The following CDH12 variants were observed in gnomAD, a reference collection of about 807,000 sequenced individuals.
CDH12 encodes cadherin-12.
CDH12 carries 41 observed loss-of-function variants against 74.1 expected under a neutral mutation model. The ratio of observed to expected loss-of-function variants is 0.55; its 90% CI spans 0.43 to 0.72. CDH12 has a LOEUF of 0.72. CDH12 is among the 30% of genes least tolerant of loss of function. The pLI, the probability that CDH12 is intolerant of heterozygous loss-of-function variation, is 0.00. For missense variants in CDH12, 945 were observed against 977.2 expected (o/e 0.97, Z 0.44); for synonymous variants, 399 against 355.0 (o/e 1.12, Z -1.39).
At chr5:22,348,934 T>C (rs1740238911) in intron 3 of CDH12, among the ~76,000 whole-genome samples, 1 of 152,132 alleles carries the variant, frequency 6.6e-6, no homozygotes, top group Non-Finnish European at 1.5e-5. Flanking sequence ...ATCTGAATGT[T>C]TGTGTCCCCC....
At position 22,664,135 on chromosome 5, in the gene CDH12, A is replaced by G. The variant is rs74553918; in HGVS notation, c.-522-158771T>C. Among the ~76,000 whole-genome samples the G allele has an allele frequency of 4.2e-3, 644 of 152,340 alleles. 8 individuals carry two copies. The highest frequency in any genetic ancestry group is 0.015 in the African/African-American group (619 of 41,566). ...AATAGGTCTTTTGTTTTGAATTCAC[A>G]TAATACATCTCTAACATACACAGCA... is the stretch of plus-strand genomic sequence containing the variant. On this transcript the variant is annotated intron_variant, in intron 1 of 14. Coordinates refer to ENST00000382254, the MANE Select transcript of CDH12 (RefSeq NM_004061.5).
At chr5:22,215,627 G>A (rs536971715) in intron 3 of CDH12, among the ~76,000 whole-genome samples, 5 of 152,032 alleles carry the variant, frequency 3.3e-5, no homozygotes, top group African/African-American at 4.8e-5. Flanking sequence ...CTAAGTAAAC[G>A]AATATCTCAA....
chr5:21,947,096 T>C (rs4028777), intron 6 of CDH12, among the ~76,000 whole-genome samples: 25,845 of 152,184 alleles, frequency 0.17, 2,625 homozygotes, highest in African/African-American at 0.28. Flanking sequence ...TATTCCACCA[T>C]GATTGTAAGT....
intron 11 of CDH12, among the ~76,000 whole-genome samples, chr5:21,770,908 C>T (rs1011238727): frequency 1.3e-5 from 2 of 152,058 alleles, no homozygotes; most frequent in Admixed American, 1.3e-4. Flanking sequence ...ATGACCTTTG[C>T]GGAAACCTGG....
At chr5:22,742,168 C>A (rs1423020022) in intron 1 of CDH12, among the ~76,000 whole-genome samples, 1 of 146,412 alleles carries the variant, frequency 6.8e-6, no homozygotes, top group Non-Finnish European at 1.5e-5. Flanking sequence ...GGTGACAGAG[C>A]AAGACTCCAT....
intron 4 of CDH12, among the ~76,000 whole-genome samples, chr5:22,119,490 A>G (rs1580280472): frequency 6.6e-6 from 1 of 152,026 alleles, no homozygotes; most frequent in Admixed American, 6.6e-5. Context: ...GGGTTTCACC[A>G]TGTTGGCCAG....
intron 7 of CDH12, among the ~76,000 whole-genome samples, chr5:21,845,645 G>T (rs1478706868): frequency 6.6e-6 from 1 of 150,728 alleles, no homozygotes; most frequent in Admixed American, 6.6e-5. Context: ...TTCAGTCATA[G>T]CATGTAGAAT....
At chr5:22,596,035 G>A (rs1736587964) in intron 1 of CDH12, among the ~76,000 whole-genome samples, 1 of 151,518 alleles carries the variant, frequency 6.6e-6, no homozygotes, top group Non-Finnish European at 1.5e-5. Context: ...ACGAACCCAG[G>A]AGGCAGAGCT....
chr5:22,495,792 C>T (rs1747084430), intron 2 of CDH12, among the ~76,000 whole-genome samples: 1 of 152,044 alleles, frequency 6.6e-6, no homozygotes, highest in Non-Finnish European at 1.5e-5. Flanking sequence ...GAGTATGACG[C>T]CCTTAATAAT....
At chr5:22,570,630 T>C (rs1281935793) in intron 1 of CDH12, among the ~76,000 whole-genome samples, 1 of 152,216 alleles carries the variant, frequency 6.6e-6, no homozygotes, top group Non-Finnish European at 1.5e-5. Flanking sequence ...TTTCCATTTA[T>C]AGAGCTTACA....
At chr5:22,094,919 C>A (rs1025219492) in intron 4 of CDH12, among the ~76,000 whole-genome samples, 5 of 152,278 alleles carry the variant, frequency 3.3e-5, no homozygotes. Context: ...CATTTACCTA[C>A]CCAAACCTTA....
chr5:22,832,660 T>C (rs887169926), intron 1 of CDH12, among the ~76,000 whole-genome samples: 13 of 152,176 alleles, frequency 8.5e-5, no homozygotes, highest in Non-Finnish European at 4.4e-5. Flanking sequence ...ATTCTAAATA[T>C]ATTTTTCATA....
At chr5:22,353,187 T>C (rs1011047228) in intron 3 of CDH12, among the ~76,000 whole-genome samples, 1 of 152,336 alleles carries the variant, frequency 6.6e-6, no homozygotes, top group East Asian at 1.9e-4. Flanking sequence ...ATGCCCATTC[T>C]AGAAAAACAA....
intron 1 of CDH12, among the ~76,000 whole-genome samples, chr5:22,732,467 T>C (rs980038260): frequency 0.017 from 2,383 of 139,734 alleles, 21 homozygotes; most frequent in African/African-American, 0.025. Flanking sequence ...TATATATATA[T>C]ATATACACAC....
chr5:22,231,085 A>G (rs191663681), intron 3 of CDH12, among the ~76,000 whole-genome samples: 2 of 152,284 alleles, frequency 1.3e-5, no homozygotes, highest in East Asian at 3.9e-4. Flanking sequence ...AATTGTATTA[A>G]AAAATAGAAC....
At chr5:22,099,900 C>T (rs1294990722) in intron 4 of CDH12, among the ~76,000 whole-genome samples, 1 of 152,072 alleles carries the variant, frequency 6.6e-6, no homozygotes, top group Admixed American at 6.6e-5. Flanking sequence ...AGGCCATCAC[C>T]AATAATTCTA....
chr5:22,562,133 C>G (rs566215870), intron 1 of CDH12, among the ~76,000 whole-genome samples: 1 of 151,890 alleles, frequency 6.6e-6, no homozygotes, highest in Non-Finnish European at 1.5e-5. Context: ...CCAGCTAAAA[C>G]GGTGAAACCC....
chr5:22,234,333 G>A (rs1580431689), intron 3 of CDH12, among the ~76,000 whole-genome samples: 2 of 152,208 alleles, frequency 1.3e-5, no homozygotes, highest in South Asian at 2.1e-4. Context: ...AAAGGGGGGC[G>A]TAATTGAATC....
chr5:22,146,025 G>A lies in CDH12; in HGVS notation c.-187+66473C>T, dbSNP rs1747154331. Among the ~76,000 whole-genome samples, 5 of 133,648 alleles carry A rather than the reference G, an allele frequency of 3.7e-5. No homozygotes were observed. The Admixed American group carries it at 3.9e-4, about 11-fold the overall frequency. The allele number at this position is 133,648 out of a possible 152,430, so 87.7% of individuals were successfully genotyped here. On this transcript the variant is annotated intron_variant, in intron 4 of 14. Coordinates refer to ENST00000382254, the MANE Select transcript of CDH12 (RefSeq NM_004061.5). ...TAGCATGAAAATGTGCCTGGGTTAT[G>A]CAATACACACTTTACCAAAATATGA...
Sources: allele counts gnomAD v4.1 joint callset (sites outside exome capture counted in the v4.1 genomes callset), GRCh38; gene constraint gnomAD v4.1.1; transcripts MANE v1.5; gene names NCBI Gene and HGNC (gene_info 2026-07-23, HGNC 2026-07-21).